The following DR1 variants were observed in gnomAD, a reference collection of about 807,000 sequenced individuals.
DR1 encodes protein Dr1.
DR1 carries 7 observed loss-of-function variants against 19.9 expected under a neutral mutation model. The ratio of observed to expected loss-of-function variants is 0.35; its 90% CI spans 0.20 to 0.66. The LOEUF is 0.66. Among genes scored for constraint, DR1 ranks in the 30% least tolerant of loss-of-function variants. The pLI is 0.66. For synonymous variants in DR1, 76 were observed against 72.5 expected, an observed-to-expected ratio of 1.05 and a Z score of -0.24; for missense variants, 98 against 203.7, an observed-to-expected ratio of 0.48 and a Z score of 3.16.
chr1:93,349,335 T>G (rs1666890487), intron 1 of DR1, among the ~76,000 whole-genome samples: 1 of 152,060 alleles, frequency 6.6e-6, no homozygotes, highest in Non-Finnish European at 1.5e-5. Flanking sequence ...CATAGATACA[T>G]GAATAGAGGG....
chr1:93,346,687 C>T lies in DR1; in HGVS notation c.42C>T (p.Pro14=), dbSNP rs1666847419. 2 of 1,613,958 alleles carry T rather than the reference C, an allele frequency of 1.2e-6. No individual in the cohort carries two copies. Among genetic ancestry groups the T allele is most frequent in the Non-Finnish European group, 1.7e-6 (2 of 1,180,028 alleles). The part of the protein sequence containing the change: ...SSGNDDDLTI[P]RAAINKMIKE... Reference sequence around the variant, plus strand: ...GCAACGATGATGATCTCACTATCCCCAGAGCTGCTATCAATAAAATGATCA... The same window carrying T: ...GCAACGATGATGATCTCACTATCCCTAGAGCTGCTATCAATAAAATGATCA... Residue 14 remains proline (P), a synonymous_variant, in exon 1 of 3, where the codon CCC becomes CCT. Coordinates refer to ENST00000370272, the MANE Select transcript of DR1 (RefSeq NM_001938.3).
intron 1 of DR1, among the ~76,000 whole-genome samples, chr1:93,350,029 A>G (rs897896669): frequency 1.3e-5 from 2 of 152,186 alleles, no homozygotes; most frequent in Non-Finnish European, 2.9e-5. Flanking sequence ...GTTTATACAG[A>G]TATTTTTTCC....
chr1:93,368,802 C>G lies in DR1; in HGVS notation c.*8163C>G, dbSNP rs1389664274. On this transcript the variant is annotated 3_prime_UTR_variant, in exon 3 of 3. Coordinates refer to ENST00000370272, the MANE Select transcript of DR1 (RefSeq NM_001938.3). ...CATGTGCAGTTGCCTTACACATATA[C>G]TAGTAGCCCTTACAAAATTTCGTCT... The G allele has an allele frequency of 6.6e-6, 1 of 152,074 alleles. No individual in the cohort carries two copies. Among genetic ancestry groups the G allele is most frequent in the African/African-American group, 2.4e-5 (1 of 41,384 alleles). 9.4% of individuals were successfully genotyped at this position (152,074 alleles called of 1,614,324 possible). A position where few individuals can be genotyped will look rare whatever the true frequency, so the allele number is the denominator to read the frequency against.
chr1:93,360,382 C>G, intron 2 of DR1, 111 bp from the exon 3 acceptor site: 1 of 976,114 alleles, frequency 1.0e-6, no homozygotes, highest in Non-Finnish European at 1.4e-6. Context: ...TGGACAGTAT[C>G]CAAGTATGAT....
At position 93,353,999 on chromosome 1, in the gene DR1, C is replaced by G. The variant is rs780436513; in HGVS notation, c.312C>G (p.Ala104=). The change falls in exon 2 of 3, where the codon GCC becomes GCG. Residue 104 remains alanine, a synonymous_variant. Coordinates refer to ENST00000370272, the MANE Select transcript of DR1 (RefSeq NM_001938.3). ...CAGTAGCATTAAAAAGAAGAAAGGCCAGTTCTCGTTTGGAAAACCTTGGCA... is the reference window on the plus strand; with the variant it reads ...CAGTAGCATTAAAAAGAAGAAAGGCGAGTTCTCGTTTGGAAAACCTTGGCA... ...CKTVALKRRK[A]SSRLENLGIP... is the part of the protein sequence containing the mutation. The G allele has an allele frequency of 6.2e-7, 1 of 1,613,690 alleles. No homozygotes were observed. The highest frequency in any genetic ancestry group is 8.5e-7 in the Non-Finnish European group (1 of 1,179,774).
rs933904941 is a variant in DR1 at position 93,346,536 on chromosome 1, C to T, written c.-110C>T. 34 of 824,244 alleles carry T rather than the reference C, an allele frequency of 4.1e-5. No individual in the cohort carries two copies. Among genetic ancestry groups the T allele is most frequent in the Non-Finnish European group, 6.0e-5 (31 of 515,092 alleles). The allele number at this position is 824,244 out of a possible 1,614,324, so 51.1% of individuals were successfully genotyped here. Reference sequence around the variant, plus strand: ...CATTTTCTGCACCCTCTTCGCAAAGCACCCCCCGGGATCACTCTCCGAGGG... The same window carrying T: ...CATTTTCTGCACCCTCTTCGCAAAGTACCCCCCGGGATCACTCTCCGAGGG... On this transcript the variant is annotated 5_prime_UTR_variant, in exon 1 of 3. Coordinates refer to ENST00000370272, the MANE Select transcript of DR1 (RefSeq NM_001938.3).
In DR1 at chr1:93,364,851, C is replaced by CTTTTTTTTTTT. The variant is rs1185414953; in HGVS notation, c.*4222_*4232dup. ...TTTTCTTTTTTCTTTTCTTTTCTTT[C>CTTTTTTTTTTT]TTTTTTTTTTTTTTTTTTTTGAGAC... On this transcript the variant is annotated 3_prime_UTR_variant, in exon 3 of 3. Transcript: ENST00000370272. 20 of 100,658 alleles carry CTTTTTTTTTTT rather than the reference C, an allele frequency of 2.0e-4. No homozygotes were observed. Among genetic ancestry groups the CTTTTTTTTTTT allele is most frequent in the South Asian group, 3.1e-4 (1 of 3,196 alleles). 6.2% of individuals were successfully genotyped at this position (100,658 alleles called of 1,614,324 possible). A position where few individuals can be genotyped will look rare whatever the true frequency, so the allele number is the denominator to read the frequency against.
At chr1:93,352,735 C>A (rs1666930240) in intron 1 of DR1, among the ~76,000 whole-genome samples, 1 of 152,048 alleles carries the variant, frequency 6.6e-6, no homozygotes, top group African/African-American at 2.4e-5. Flanking sequence ...TGTTTTTTGC[C>A]ACCTATGTTT....
rs575978676 is a variant in DR1, at chr1:93,352,154, C to A, written c.221-1754C>A. 3.3e-5 allele frequency among the ~76,000 whole-genome samples: 5 copies of A among 152,318 alleles called. No individual in the cohort carries two copies. The East Asian group carries it at 9.6e-4, about 29-fold the overall frequency. On this transcript the variant is annotated intron_variant, in intron 1 of 2. Coordinates refer to ENST00000370272, the MANE Select transcript of DR1 (RefSeq NM_001938.3). ...CCACAGTCATAGTTTACTGTGGCCT[C>A]AAACTCCTGGGCACAAGCGATCTTC...
In DR1 at chr1:93,369,101, T is replaced by C. The variant is rs1667203523; in HGVS notation, c.*8462T>C. 6.6e-6 allele frequency: 1 copy of C among 152,170 alleles called. No homozygotes were observed. The highest frequency in any genetic ancestry group is 1.5e-5 in the Non-Finnish European group (1 of 68,010). The allele number at this position is 152,170 out of a possible 1,614,324, so 9.4% of individuals were successfully genotyped here. A position where few individuals can be genotyped will look rare whatever the true frequency, so the allele number is the denominator to read the frequency against. ...CTTGGATTTTGGATTTTGGTATCCT[T>C]GGGGTATCCTGGAACCAATCCCTGG... On this transcript the variant is annotated 3_prime_UTR_variant, in exon 3 of 3. Transcript: ENST00000370272.
intron 1 of DR1, among the ~76,000 whole-genome samples, chr1:93,347,850 A>G (rs1274337662): frequency 1.3e-5 from 2 of 152,088 alleles, no homozygotes; most frequent in African/African-American, 2.4e-5. Context: ...GTTGTACTCA[A>G]TTTGAGGTGA....
At position 93,363,374 on chromosome 1, in the gene DR1, A is replaced by G. The variant is rs1667080733; in HGVS notation, c.*2735A>G. The G allele has an allele frequency of 6.6e-6, 1 of 152,246 alleles. No homozygotes were observed. The highest frequency in any genetic ancestry group is 1.5e-5 in the Non-Finnish European group (1 of 68,052). 9.4% of individuals were successfully genotyped at this position (152,246 alleles called of 1,614,324 possible). On this transcript the variant is annotated 3_prime_UTR_variant, in exon 3 of 3. Transcript: ENST00000370272. ...ACTACCACAAACTTAGTGACTTAAAACAACACAGATTTATTCTTTTATAGT... is the reference window on the plus strand; with the variant it reads ...ACTACCACAAACTTAGTGACTTAAAGCAACACAGATTTATTCTTTTATAGT...
intron 2 of DR1, among the ~76,000 whole-genome samples, chr1:93,359,696 A>G (rs1231781969): frequency 6.6e-6 from 1 of 152,232 alleles, no homozygotes; most frequent in African/African-American, 2.4e-5. Flanking sequence ...TTTTTCTGCA[A>G]ACAGATGAAA....
At position 93,360,600 on chromosome 1, in the gene DR1, G is replaced by T; in HGVS notation, c.492G>T (p.Ala164=). ...AAASASASNQ[A]GSSQDEEDDD... ...CCTCAGCCAGTGCATCTAATCAGGC[G>T]GGATCTTCTCAGGATGAAGAAGATG... The change falls in exon 3 of 3, where the codon GCG becomes GCT. Residue 164 remains alanine, a synonymous_variant. Transcript: ENST00000370272. 1 of 1,592,118 alleles carries T rather than the reference G, an allele frequency of 6.3e-7. No homozygotes were observed.
Position 93,363,199 on chromosome 1 carries a change from C to T in DR1, c.*2560C>T, listed in dbSNP as rs1667078608. On this transcript the variant is annotated 3_prime_UTR_variant, in exon 3 of 3. Transcript: ENST00000370272. The stretch of plus-strand genomic sequence containing the variant: ...TCTTTCCCCATCTTAACACTGTCTT[C>T]TTTCTTGCTGAAAGTTACTATCCTG... 1 of 152,116 alleles carries T rather than the reference C, an allele frequency of 6.6e-6. No homozygotes were observed. Among genetic ancestry groups the T allele is most frequent in the African/African-American group, 2.4e-5 (1 of 41,414 alleles). 9.4% of individuals were successfully genotyped at this position (152,116 alleles called of 1,614,324 possible).
At chr1:93,348,407 C>T (rs1666878372) in intron 1 of DR1, among the ~76,000 whole-genome samples, 1 of 152,112 alleles carries the variant, frequency 6.6e-6, no homozygotes, top group Admixed American at 6.5e-5. Flanking sequence ...CCTTTATCAA[C>T]ATTGCCTTTC....
chr1:93,354,035 A>G lies in DR1; in HGVS notation c.348A>G (p.Glu116=), dbSNP rs774843353. The change falls in exon 2 of 3, where the codon GAA becomes GAG. Residue 116 remains glutamate, a synonymous_variant. Coordinates refer to ENST00000370272, the MANE Select transcript of DR1 (RefSeq NM_001938.3). ...TGGAAAACCTTGGCATTCCTGAAGA[A>G]GAGTTATTGAGACAGCAACAAGAAT... ...SRLENLGIPE[E]ELLRQQQELF... The G allele has an allele frequency of 6.2e-7, 1 of 1,611,262 alleles. No homozygotes were observed. Among genetic ancestry groups the G allele is most frequent in the Admixed American group, 1.7e-5 (1 of 59,286 alleles).
intron 1 of DR1, among the ~76,000 whole-genome samples, chr1:93,350,711 AT>A (rs1183762882): frequency 3.3e-5 from 5 of 152,020 alleles, no homozygotes; most frequent in Non-Finnish European, 7.4e-5. Flanking sequence ...TGTGCAAAGT[AT>A]TTTTTCCCCT....
intron 1 of DR1, among the ~76,000 whole-genome samples, chr1:93,347,408 C>G (rs1331878362): frequency 6.6e-6 from 1 of 152,192 alleles, no homozygotes; most frequent in East Asian, 1.9e-4. Flanking sequence ...GTTTTCTGCT[C>G]TAAAAATGGT....
Sources: gnomAD v4.1 joint callset for allele counts (sites outside exome capture counted in the v4.1 genomes callset) on GRCh38, gnomAD v4.1.1 for gene constraint, MANE v1.5 for transcripts, NCBI Gene and HGNC (gene_info 2026-07-23, HGNC 2026-07-21) for gene names.